Variants in TMEFF2 observed in about 807,000 individuals in gnomAD.
TMEFF2 encodes tomoregulin-2.
Under a neutral mutation model 53.8 loss-of-function variants are expected in TMEFF2, and 28 were observed. The observed-to-expected ratio is 0.52, with a 90% CI of 0.39 to 0.71. The LOEUF (loss-of-function observed/expected upper bound fraction) is 0.71, where lower values mean the gene tolerates loss of function less well. TMEFF2 is among the 30% of genes least tolerant of loss of function. The probability of loss-of-function intolerance (pLI) is 0.00; values close to 1 mark genes in which losing one functional copy is unlikely to be tolerated. For synonymous variants in TMEFF2, 162 were observed against 166.3 expected, an observed-to-expected ratio of 0.97 and a Z score of 0.20; for missense variants, 353 against 455.2, an observed-to-expected ratio of 0.78 and a Z score of 2.04.
intron 4 of TMEFF2, among the ~76,000 whole-genome samples, chr2:192,165,324 A>G (rs963873156): frequency 1.4e-4 from 21 of 152,110 alleles, no homozygotes; most frequent in African/African-American, 5.1e-4. Context: ...AAATAACTTA[A>G]TATCTGTGTC....
chr2:192,069,821 C>T (rs1224026730), intron 4 of TMEFF2, among the ~76,000 whole-genome samples: 3 of 151,384 alleles, frequency 2.0e-5, no homozygotes, highest in Non-Finnish European at 4.4e-5. Flanking sequence ...CTAATTTTTT[C>T]AACTTTAGGT....
rs541509154 is a variant in TMEFF2 at position 192,186,686 on chromosome 2, C to T, written c.283-2203G>A. ...TGCTTGAGGCCTGGTATTCTTGCCC[C>T]GGGCTACCTTTCAATCTCCATCTCC... On this transcript the variant is annotated intron_variant, in intron 2 of 9. Coordinates refer to ENST00000272771, the MANE Select transcript of TMEFF2 (RefSeq NM_016192.4). Among the ~76,000 whole-genome samples the T allele has an allele frequency of 7.9e-5, 12 of 152,194 alleles. No individual in the cohort carries two copies. The South Asian group carries it at 1.7e-3, about 21-fold the overall frequency.
At chr2:192,087,444 C>T (rs964705163) in intron 4 of TMEFF2, among the ~76,000 whole-genome samples, 1 of 152,048 alleles carries the variant, frequency 6.6e-6, no homozygotes. Flanking sequence ...TGGGTCCCAA[C>T]AGTACAGTGA....
At position 192,194,021 on chromosome 2, in the gene TMEFF2, GT is replaced by G. The variant is rs1691539608; in HGVS notation, c.172+331del. Among the ~76,000 whole-genome samples, 1 of 152,124 alleles carries G rather than the reference GT, an allele frequency of 6.6e-6. No individual in the cohort carries two copies. Among genetic ancestry groups the G allele is most frequent in the South Asian group, 2.1e-4 (1 of 4,830 alleles). Reference sequence around the variant, plus strand: ...TAATGATGACAAAGCTTCTGTTTCAGTGTTTCCCCTAGGATTGGTGCTCTTT... The same window carrying G: ...TAATGATGACAAAGCTTCTGTTTCAGGTTTCCCCTAGGATTGGTGCTCTTT... On this transcript the variant is annotated intron_variant, in intron 1 of 9. Transcript: ENST00000272771. The surrounding 1 kb of genome is among the most constrained non-coding windows in gnomAD (Gnocchi z 4.2).
Position 192,066,518 on chromosome 2 carries a change from T to C in TMEFF2, c.440-8743A>G, listed in dbSNP as rs371443448. Among the ~76,000 whole-genome samples the C allele has an allele frequency of 9.2e-5, 14 of 152,032 alleles. No individual in the cohort carries two copies. The East Asian group carries it at 2.1e-3, about 23-fold the overall frequency. On this transcript the variant is annotated intron_variant, in intron 4 of 9. Coordinates refer to ENST00000272771, the MANE Select transcript of TMEFF2 (RefSeq NM_016192.4). ...AAAGAAGAGATCATTACAGAATATT[T>C]AATTTTTCATAATTAAGCTAGTTTG...
intron 4 of TMEFF2, among the ~76,000 whole-genome samples, chr2:192,142,467 A>C (rs1338019698): frequency 2.0e-5 from 3 of 152,162 alleles, no homozygotes; most frequent in Non-Finnish European, 4.4e-5. Context: ...CTAAAATTTT[A>C]TCTGAAGATT....
At chr2:192,013,873 A>G (rs1436375333) in intron 5 of TMEFF2, among the ~76,000 whole-genome samples, 4 of 152,244 alleles carry the variant, frequency 2.6e-5, no homozygotes, top group African/African-American at 9.6e-5. Context: ...TTGATGCAAA[A>G]TAGGCACTCA....
At chr2:192,064,296 T>C (rs1688117893) in intron 4 of TMEFF2, among the ~76,000 whole-genome samples, 2 of 151,816 alleles carry the variant, frequency 1.3e-5, no homozygotes, top group Non-Finnish European at 3.0e-5. Flanking sequence ...AATATATTTC[T>C]AATTATCATA....
intron 4 of TMEFF2, among the ~76,000 whole-genome samples, chr2:192,101,277 T>G (rs929111364): frequency 6.6e-6 from 1 of 152,134 alleles, no homozygotes; most frequent in South Asian, 2.1e-4. Flanking sequence ...CCAAAATAAT[T>G]TTACCGTGTA....
intron 4 of TMEFF2, among the ~76,000 whole-genome samples, chr2:192,069,963 A>AAT (rs1387529400): frequency 1.1e-4 from 10 of 89,050 alleles, no homozygotes; most frequent in Admixed American, 6.3e-4. Flanking sequence ...GATTTAGAAA[A>AAT]ATGTGTGTGT....
chr2:192,074,163 A>G (rs2105918379), intron 4 of TMEFF2, among the ~76,000 whole-genome samples: 1 of 152,142 alleles, frequency 6.6e-6, no homozygotes, highest in East Asian at 1.9e-4. Flanking sequence ...TAGAGAAATT[A>G]ATATGTCACT....
At chr2:191,954,373 C>T (rs1452895909) in intron 8 of TMEFF2, among the ~76,000 whole-genome samples, 1 of 151,720 alleles carries the variant, frequency 6.6e-6, no homozygotes, top group East Asian at 1.9e-4. Flanking sequence ...ATAATAATTT[C>T]AAAGGTAGGA....
At chr2:192,147,397 T>C (rs1489557376) in intron 4 of TMEFF2, among the ~76,000 whole-genome samples, 1 of 152,052 alleles carries the variant, frequency 6.6e-6, no homozygotes, top group Non-Finnish European at 1.5e-5. Flanking sequence ...TTGTTACATA[T>C]GTATACATGT....
chr2:191,988,293 C>G (rs935387727), intron 7 of TMEFF2, among the ~76,000 whole-genome samples: 1 of 152,104 alleles, frequency 6.6e-6, no homozygotes, highest in Non-Finnish European at 1.5e-5. Flanking sequence ...CATTAAAAAT[C>G]AAAAATCAAT....
intron 4 of TMEFF2, among the ~76,000 whole-genome samples, chr2:192,107,345 A>G (rs1324498745): frequency 6.6e-6 from 1 of 151,690 alleles, no homozygotes; most frequent in Non-Finnish European, 1.5e-5. Context: ...GCACAAAAGA[A>G]AAAGAAAATT....
intron 4 of TMEFF2, 38 bp downstream of exon 4, chr2:192,179,630 C>T: frequency 6.5e-7 from 1 of 1,546,920 alleles, no homozygotes; most frequent in Non-Finnish European, 8.7e-7. Context: ...ATAATATCCA[C>T]CAGTAAATCT....
chr2:192,053,245 TATTA>T (rs780252812), intron 5 of TMEFF2, among the ~76,000 whole-genome samples: 5 of 152,174 alleles, frequency 3.3e-5, no homozygotes, highest in Non-Finnish European at 5.9e-5. Context: ...TTCCCCTATT[TATTA>T]ATTTTTTTAT....
At chr2:192,053,798 C>G (rs1156311551) in intron 5 of TMEFF2, among the ~76,000 whole-genome samples, 1 of 152,142 alleles carries the variant, frequency 6.6e-6, no homozygotes, top group East Asian at 1.9e-4. Context: ...TCTTACTTTA[C>G]AGCCTCTTTC....
At chr2:192,107,924 C>A (rs181644269) in intron 4 of TMEFF2, among the ~76,000 whole-genome samples, 4 of 150,922 alleles carry the variant, frequency 2.7e-5, no homozygotes, top group Admixed American at 6.6e-5. Flanking sequence ...AATTCTAATT[C>A]TATACAAAGA....
Sources: gnomAD v4.1 joint callset for allele counts (sites outside exome capture counted in the v4.1 genomes callset) on GRCh38, gnomAD v4.1.1 for gene constraint, Gnocchi (gnomAD v3.1) non-coding constraint, MANE v1.5 for transcripts, NCBI Gene and HGNC (gene_info 2026-07-23, HGNC 2026-07-21) for gene names.